The following SHANK1 variants were observed in gnomAD, a reference collection of about 807,000 sequenced individuals.
The protein encoded by SHANK1 is SH3 and multiple ankyrin repeat domains protein 1.
SHANK1 carries 35 observed loss-of-function variants against 165.6 expected under a neutral mutation model. The ratio of observed to expected loss-of-function variants is 0.21; its 90% CI spans 0.16 to 0.28. The LOEUF is 0.28. Among genes scored for constraint, SHANK1 ranks in the 10% least tolerant of loss-of-function variants. SHANK1 has a pLI of 1.00. For synonymous variants in SHANK1, 1,428 were observed against 1,384.8 expected (o/e 1.03, Z -0.69); for missense variants, 2,681 against 3,036.4 (o/e 0.88, Z 2.75).
chr19:50,669,498 C>T (rs1001409102), intron 22 of SHANK1, among the ~76,000 whole-genome samples: 1 of 152,112 alleles, frequency 6.6e-6, no homozygotes, highest in Admixed American at 6.5e-5. Flanking sequence ...AACTGCAAAC[C>T]GCAAGGAAGG....
At chr19:50,672,221 A>T (rs1407410205) in intron 21 of SHANK1, 107 bp from the exon 22 acceptor site, 16 of 906,724 alleles carry the variant, frequency 1.8e-5, no homozygotes, top group Middle Eastern at 2.9e-4. Flanking sequence ...TCCTTCCCTA[A>T]GCCCCTGCCG....
rs1222188195 is a variant in SHANK1, at chr19:50,662,796, AG to A, written c.5769-115del. 22 of 1,021,446 alleles carry A rather than the reference AG, an allele frequency of 2.2e-5. No homozygotes were observed. In the Admixed American group the frequency reaches 2.5e-4, roughly 11 times the overall value. 63.3% of individuals were successfully genotyped at this position (1,021,446 alleles called of 1,614,324 possible). Reference sequence around the variant, plus strand: ...GAGAGAGGAGGAGAGACATAAGGGTAGGGGGAGAGACGGAGGAGAGACGGGA... The same window carrying A: ...GAGAGAGGAGGAGAGACATAAGGGTAGGGGAGAGACGGAGGAGAGACGGGA... On this transcript the variant is annotated intron_variant, in intron 23 of 23. Coordinates refer to ENST00000293441, the MANE Select transcript of SHANK1 (RefSeq NM_016148.5). This position sits in a 1 kb window ranked among gnomAD's most constrained non-coding sequence, Gnocchi z 7.7.
chr19:50,709,020 G>A (rs1308538534), intron 8 of SHANK1, among the ~76,000 whole-genome samples: 1 of 152,246 alleles, frequency 6.6e-6, no homozygotes, highest in Non-Finnish European at 1.5e-5. Flanking sequence ...AAGCCTGGGA[G>A]GAAGACAAGG....
At chr19:50,689,405 C>T (rs1227513593) in intron 15 of SHANK1, 126 bp from the exon 16 acceptor site, 1 of 747,574 alleles carries the variant, frequency 1.3e-6, no homozygotes. Context: ...TTAATTGCAT[C>T]TCCTAGGATC....
At position 50,713,285 on chromosome 19, in the gene SHANK1, G is replaced by T. The variant is rs1442042607; in HGVS notation, c.792+513C>A. Among the ~76,000 whole-genome samples, 1 of 152,064 alleles carries T rather than the reference G, an allele frequency of 6.6e-6. No individual in the cohort carries two copies. The highest frequency in any genetic ancestry group is 1.5e-5 in the Non-Finnish European group (1 of 68,020). On this transcript the variant is annotated intron_variant, in intron 6 of 23. Transcript: ENST00000293441. This position sits in a 1 kb window ranked among gnomAD's most constrained non-coding sequence, Gnocchi z 6.2. ...TGTGTATGTATTTTGTGGGTGTATG[G>T]GTTTGTCTATTTGGGAAAGTGCATT... is the stretch of plus-strand genomic sequence containing the variant.
In SHANK1 at chr19:50,716,523, G is replaced by A. The variant is rs767117051; in HGVS notation, c.256-45C>T. On this transcript the variant is annotated intron_variant, in intron 2 of 23. Transcript: ENST00000293441. The surrounding 1 kb of genome is among the most constrained non-coding windows in gnomAD (Gnocchi z 8.4). Reference sequence around the variant, plus strand: ...GGGCTAGGGTGGGCCAGGGGCCAGAGGAGAGCCTGAGGTGGGTTGGGAAGT... The same window carrying A: ...GGGCTAGGGTGGGCCAGGGGCCAGAAGAGAGCCTGAGGTGGGTTGGGAAGT... 1 of 1,605,748 alleles carries A rather than the reference G, an allele frequency of 6.2e-7. No homozygotes were observed. The highest frequency in any genetic ancestry group is 1.1e-5 in the South Asian group (1 of 90,346).
rs891340592 is a variant in SHANK1 at position 50,716,960 on chromosome 19, C to A, written c.-41G>T. On this transcript the variant is annotated splice_region_variant and 5_prime_UTR_variant, in exon 2 of 24. Coordinates refer to ENST00000293441, the MANE Select transcript of SHANK1 (RefSeq NM_016148.5). The surrounding 1 kb of genome is among the most constrained non-coding windows in gnomAD (Gnocchi z 8.4). ...CGACGGGGGACGGCAGCATCACAGG[C>A]GGCTGCAGGGGCCAAGGGCGGCCAT... The A allele has an allele frequency of 7.4e-5, 104 of 1,411,556 alleles. 1 individual carries two copies. The highest frequency in any genetic ancestry group is 9.5e-5 in the Non-Finnish European group (103 of 1,085,744). 87.4% of individuals were successfully genotyped at this position (1,411,556 alleles called of 1,614,324 possible).
At position 50,667,545 on chromosome 19, in the gene SHANK1, C is replaced by A. The variant is rs199651052; in HGVS notation, c.4415G>T (p.Gly1472Val). 283 of 1,478,690 alleles carry A rather than the reference C, an allele frequency of 1.9e-4. 2 individuals carry two copies. The Admixed American group carries it at 6.9e-3, about 36-fold the overall frequency. The allele number at this position is 1,478,690 out of a possible 1,614,324, so 91.6% of individuals were successfully genotyped here. ...TGCGGACCTCCAGGGCTTGCTTACTCCGGGGTGCGGGGCCGGGGGCTCCGT... is the reference window on the plus strand; with the variant it reads ...TGCGGACCTCCAGGGCTTGCTTACTACGGGGTGCGGGGCCGGGGGCTCCGT... ...LGTEPPAPHPGVSKPWRSAAP... is the reference protein window; with the variant it reads ...LGTEPPAPHPVVSKPWRSAAP... The change falls in exon 23 of 24, where the codon GGA becomes GTA. Residue 1472 changes from glycine (G) to valine (V), a missense_variant. By Grantham distance (109) the Gly-to-Val change is moderately radical (BLOSUM62 -3). Coordinates refer to ENST00000293441, the MANE Select transcript of SHANK1 (RefSeq NM_016148.5). The surrounding 1 kb of genome is among the most constrained non-coding windows in gnomAD (Gnocchi z 5.7).
rs2089099821 is a variant in SHANK1 at position 50,718,876 on chromosome 19, T to A, written c.-44+530A>T. ...CGAGGGGGCGCGCCGGCCGGCGGTG[T>A]AGGGACTGGAGACCTGGTGGGGACG... On this transcript the variant is annotated intron_variant, in intron 1 of 23. Coordinates refer to ENST00000293441, the MANE Select transcript of SHANK1 (RefSeq NM_016148.5). The surrounding 1 kb of genome is among the most constrained non-coding windows in gnomAD (Gnocchi z 5.1). Among the ~76,000 whole-genome samples, 1 of 144,026 alleles carries A rather than the reference T, an allele frequency of 6.9e-6. No individual in the cohort carries two copies. 94.5% of individuals were successfully genotyped at this position (144,026 alleles called of 152,430 possible). A position where few individuals can be genotyped will look rare whatever the true frequency, so the allele number is the denominator to read the frequency against.
Position 50,666,374 on chromosome 19 carries a change from G to C in SHANK1, c.5586C>G (p.Ala1862=), listed in dbSNP as rs773184269. ...TGATGCTGGCTTTTACTGTGGCCAA[G>C]GCTGAGGCCTGAGGCTGGGCCAAGG... ...PGPLAQPQAS[A]LATVKASIIS... Residue 1862 remains alanine, a synonymous_variant, in exon 23 of 24, where the codon GCC becomes GCG. Coordinates refer to ENST00000293441, the MANE Select transcript of SHANK1 (RefSeq NM_016148.5). The C allele has an allele frequency of 1.9e-6, 3 of 1,613,652 alleles. No individual in the cohort carries two copies. The African/African-American group carries it at 4.0e-5, about 22-fold the overall frequency.
At chr19:50,689,084 C>A in intron 16 of SHANK1, 113 bp downstream of exon 16, 1 of 1,097,936 alleles carries the variant, frequency 9.1e-7, no homozygotes, top group South Asian at 1.3e-5. Flanking sequence ...ACCAGCACCC[C>A]GGGGTGGGGT....
chr19:50,673,654 T>G (rs968685286), intron 21 of SHANK1, among the ~76,000 whole-genome samples: 1 of 152,142 alleles, frequency 6.6e-6, no homozygotes, highest in African/African-American at 2.4e-5. Context: ...GCGGGGCTGA[T>G]GTATCCCAGG....
Position 50,687,483 on chromosome 19 carries a change from A to AC in SHANK1, c.2389+98dup, listed in dbSNP as rs1030121656. 158 of 896,028 alleles carry AC rather than the reference A, an allele frequency of 1.8e-4. 2 individuals carry two copies. In the African/African-American group the frequency reaches 2.3e-3, roughly 13 times the overall value. 55.5% of individuals were successfully genotyped at this position (896,028 alleles called of 1,614,324 possible). On this transcript the variant is annotated intron_variant, in intron 19 of 23. Coordinates refer to ENST00000293441, the MANE Select transcript of SHANK1 (RefSeq NM_016148.5). ...GACTGGGGACAGGATGAGGACAAGGACCCCTGGTCACTAACAACACTAACG... is the reference window on the plus strand; with the variant it reads ...GACTGGGGACAGGATGAGGACAAGGACCCCCTGGTCACTAACAACACTAACG...
Position 50,697,523 on chromosome 19 carries a change from TA to T in SHANK1, c.1937+65del. On this transcript the variant is annotated intron_variant, in intron 14 of 23. Transcript: ENST00000293441. This position sits in a 1 kb window ranked among gnomAD's most constrained non-coding sequence, Gnocchi z 4.7. ...GGGGCTTAGAGGTGATGGAAATATT[TA>T]AAGGTGTACATTGTGAAGGGAACTT... The T allele has an allele frequency of 6.8e-6, 8 of 1,180,764 alleles. No individual in the cohort carries two copies. Among genetic ancestry groups the T allele is most frequent in the Non-Finnish European group, 1.0e-5 (8 of 784,640 alleles). The allele number at this position is 1,180,764 out of a possible 1,614,324, so 73.1% of individuals were successfully genotyped here. A position where few individuals can be genotyped will look rare whatever the true frequency, so the allele number is the denominator to read the frequency against.
At chr19:50,696,906 A>G (rs1381390719) in intron 15 of SHANK1, among the ~76,000 whole-genome samples, 190 bp downstream of exon 15, 1 of 152,134 alleles carries the variant, frequency 6.6e-6, no homozygotes, top group Non-Finnish European at 1.5e-5. Context: ...CAGACCCTCC[A>G]GCCCCGGGCA....
At chr19:50,669,475 T>C (rs905290914) in intron 22 of SHANK1, among the ~76,000 whole-genome samples, 190 bp from the exon 23 acceptor site, 1 of 151,802 alleles carries the variant, frequency 6.6e-6, no homozygotes, top group Non-Finnish European at 1.5e-5. Flanking sequence ...GAGGTACAGG[T>C]TGTGCACTGC....
chr19:50,688,635 G>A lies in SHANK1; in HGVS notation c.2172+209C>T, dbSNP rs1649036435. ...CCCCCGGTATTGTGTATGTGTTGGGGACAGCTCTGTGTCACTCTTTTGAGA... is the reference window on the plus strand; with the variant it reads ...CCCCCGGTATTGTGTATGTGTTGGGAACAGCTCTGTGTCACTCTTTTGAGA... On this transcript the variant is annotated intron_variant, in intron 17 of 23. Transcript: ENST00000293441. This position sits in a 1 kb window ranked among gnomAD's most constrained non-coding sequence, Gnocchi z 6.7. Among the ~76,000 whole-genome samples the A allele has an allele frequency of 6.6e-6, 1 of 152,186 alleles. No homozygotes were observed. Among genetic ancestry groups the A allele is most frequent in the Non-Finnish European group, 1.5e-5 (1 of 68,036 alleles).
rs919417180 is a variant in SHANK1, at chr19:50,693,231, C to A, written c.1964+3865G>T. The stretch of plus-strand genomic sequence containing the variant: ...ATCCCCACCCCCAAATACCCCCCCA[C>A]ATTCCCTGAATTCCCTCCCCACCCC... On this transcript the variant is annotated intron_variant, in intron 15 of 23. Coordinates refer to ENST00000293441, the MANE Select transcript of SHANK1 (RefSeq NM_016148.5). Among the ~76,000 whole-genome samples, 11 of 142,160 alleles carry A rather than the reference C, an allele frequency of 7.7e-5. No homozygotes were observed. In the South Asian group the frequency reaches 1.9e-3, roughly 25 times the overall value. 93.3% of individuals were successfully genotyped at this position (142,160 alleles called of 152,430 possible). A position where few individuals can be genotyped will look rare whatever the true frequency, so the allele number is the denominator to read the frequency against.
Position 50,668,253 on chromosome 19 carries a change from A to G in SHANK1, c.3707T>C (p.Leu1236Pro). The change falls in exon 23 of 24, where the codon CTG (leucine) becomes CCG (proline). Residue 1236 changes from leucine to proline, a missense_variant. Physicochemically the swap from Leu to Pro is moderately conservative, Grantham distance 98 (BLOSUM62 -3). This residue lies in a region of SHANK1 where 1,713 missense variants were observed against 1,630.2 expected (regional missense o/e 1.05). Transcript: ENST00000293441. The part of the protein sequence containing the change: ...LDFTSQFGAA[L>P]VGAARREGGW... ...CCCCTCCCTCCGGGCCGCCCCCACC[A>G]GGGCGGCCCCGAACTGGCTCGTGAA... is the stretch of plus-strand genomic sequence containing the variant. The G allele has an allele frequency of 7.1e-7, 1 of 1,415,322 alleles. No individual in the cohort carries two copies. The highest frequency in any genetic ancestry group is 9.1e-7 in the Non-Finnish European group (1 of 1,098,588). The allele number at this position is 1,415,322 out of a possible 1,614,324, so 87.7% of individuals were successfully genotyped here. A position where few individuals can be genotyped will look rare whatever the true frequency, so the allele number is the denominator to read the frequency against.
Sources: allele counts gnomAD v4.1 joint callset (sites outside exome capture counted in the v4.1 genomes callset), GRCh38; gene constraint gnomAD v4.1.1; regional missense constraint gnomAD v4.1.1; non-coding constraint Gnocchi (gnomAD v3.1); transcripts MANE v1.5; gene names NCBI Gene and HGNC (gene_info 2026-07-23, HGNC 2026-07-21).